Variants in CTDP1 observed in about 807,000 individuals in gnomAD.
CTDP1 encodes the protein CTD phosphatase 1, also known as RNA polymerase II subunit A C-terminal domain phosphatase.
In CTDP1, 47 loss-of-function variants were observed where a neutral mutation model predicts 91.8. The observed-to-expected ratio is 0.51, with a 90% confidence interval of 0.41 to 0.65. The LOEUF is 0.65. CTDP1 is among the 30% of genes least tolerant of loss of function. The pLI is 0.00. For missense variants in CTDP1, 1,272 were observed against 1,373.7 expected (o/e 0.93, Z 1.17); for synonymous variants, 656 against 598.5 (o/e 1.10, Z -1.40).
chr18:79,705,039 G>T, intron 5 of CTDP1, 122 bp downstream of exon 5: 2 of 1,479,678 alleles, frequency 1.4e-6, no homozygotes, highest in South Asian at 1.2e-5. Flanking sequence ...GTAGTCTTAG[G>T]GTTGGCCGTT....
In CTDP1 at chr18:79,692,414, C is replaced by CT. The variant is rs554834616; in HGVS notation, c.315-2810dup. ...TCTGAAGTCAGGTAGTAAAAGTTCT[C>CT]TGTTATTTTTGAAAATTGAGATTCT... On this transcript the variant is annotated intron_variant, in intron 1 of 12. Coordinates refer to ENST00000613122, the MANE Select transcript of CTDP1 (RefSeq NM_004715.5). Among the ~76,000 whole-genome samples, 686 of 152,288 alleles carry CT rather than the reference C, an allele frequency of 4.5e-3. 3 individuals are homozygous for CT. The highest frequency in any genetic ancestry group is 4.1e-3 in the South Asian group (20 of 4,830).
chr18:79,696,075 G>T lies in CTDP1; in HGVS notation c.492+5G>T. On this transcript the variant is annotated splice_donor_5th_base_variant and intron_variant, in intron 3 of 12. Transcript: ENST00000613122. ...GAGTTGATGGTGAGCTCCGAGGTGA[G>T]CCGGGCATCAGTGGCGGCGTGTTGG... 1 of 1,610,252 alleles carries T rather than the reference G, an allele frequency of 6.2e-7. No homozygotes were observed.
chr18:79,745,423 C>G (rs375720670), intron 12 of CTDP1, among the ~76,000 whole-genome samples: 1 of 5,784 alleles, frequency 1.7e-4, no homozygotes, highest in Admixed American at 1.4e-3. Context: ...CGTGCGCGTT[C>G]TGTCCCCGCG....
At chr18:79,726,386 A>G (rs1046019501) in intron 10 of CTDP1, among the ~76,000 whole-genome samples, 8 of 152,168 alleles carry the variant, frequency 5.3e-5, no homozygotes, top group Non-Finnish European at 1.0e-4. Flanking sequence ...CATACTTGCA[A>G]TTGCCTCTTG....
At chr18:79,692,260 A>G (rs896279192) in intron 1 of CTDP1, among the ~76,000 whole-genome samples, 5 of 152,078 alleles carry the variant, frequency 3.3e-5, no homozygotes, top group African/African-American at 7.2e-5. Context: ...GTGAAGCCCC[A>G]CTGGCTGGAA....
chr18:79,693,971 A>G (rs2085680659), intron 1 of CTDP1, among the ~76,000 whole-genome samples: 1 of 151,994 alleles, frequency 6.6e-6, no homozygotes, highest in African/African-American at 2.4e-5. Flanking sequence ...GTGGGCATGG[A>G]GGATGTGGCT....
At chr18:79,722,561 CGTT>C (rs143257357) in intron 10 of CTDP1, among the ~76,000 whole-genome samples, 2,261 of 152,252 alleles carry the variant, frequency 0.015, 55 homozygotes, top group African/African-American at 0.052. Flanking sequence ...CGGGAAGCAG[CGTT>C]GTTGTGGCTG....
rs759650298 is a variant in CTDP1, at chr18:79,704,883, C to G, written c.738C>G (p.Thr246=). ...IAKLYELHVF[T]FGSRLYAHTI... ...AGCTGTACGAGCTGCACGTCTTCAC[C>G]TTCGGCAGCCGGCTGTACGCACACA... is the stretch of plus-strand genomic sequence containing the variant. Residue 246 remains threonine, a synonymous_variant, in exon 5 of 13, where the codon ACC becomes ACG. Coordinates refer to ENST00000613122, the MANE Select transcript of CTDP1 (RefSeq NM_004715.5). 1 of 1,613,668 alleles carries G rather than the reference C, an allele frequency of 6.2e-7. No homozygotes were observed. The highest frequency in any genetic ancestry group is 8.5e-7 in the Non-Finnish European group (1 of 1,180,056).
intron 11 of CTDP1, among the ~76,000 whole-genome samples, chr18:79,735,187 T>G (rs1315304971): frequency 2.0e-5 from 3 of 152,144 alleles, no homozygotes; most frequent in African/African-American, 7.2e-5. Context: ...TCGGGAGTTG[T>G]GCTCCGTCCT....
intron 1 of CTDP1, among the ~76,000 whole-genome samples, chr18:79,693,746 C>T (rs1159472971): frequency 2.0e-5 from 3 of 152,196 alleles, no homozygotes; most frequent in Non-Finnish European, 4.4e-5. Flanking sequence ...GTGATCCGCA[C>T]ACGCCCATCC....
At chr18:79,746,628 G>A (rs1318905289) in intron 12 of CTDP1, among the ~76,000 whole-genome samples, 2 of 152,196 alleles carry the variant, frequency 1.3e-5, no homozygotes, top group East Asian at 3.9e-4. Context: ...CATACTTAGG[G>A]GCTTAAGAAA....
intron 12 of CTDP1, among the ~76,000 whole-genome samples, chr18:79,744,355 G>C (rs2086837990): frequency 6.6e-6 from 1 of 152,196 alleles, no homozygotes; most frequent in Non-Finnish European, 1.5e-5. Context: ...CAGATACTTG[G>C]AGTTCACAAA....
chr18:79,694,675 G>A (rs569546436), intron 1 of CTDP1, among the ~76,000 whole-genome samples: 7 of 152,118 alleles, frequency 4.6e-5, no homozygotes, highest in Admixed American at 1.3e-4. Context: ...AGTGCCAGGC[G>A]GCCTCTGGTC....
intron 12 of CTDP1, among the ~76,000 whole-genome samples, chr18:79,747,293 A>G (rs1037526288): frequency 5.3e-5 from 8 of 152,174 alleles, no homozygotes; most frequent in Non-Finnish European, 1.2e-4. Flanking sequence ...TCCACCTGTA[A>G]CACACACAGG....
intron 10 of CTDP1, among the ~76,000 whole-genome samples, chr18:79,727,093 G>A (rs1482616908): frequency 6.6e-6 from 1 of 152,150 alleles, no homozygotes; most frequent in Non-Finnish European, 1.5e-5. Flanking sequence ...GGGTGTGTGG[G>A]GCCTCATTGC....
intron 6 of CTDP1, among the ~76,000 whole-genome samples, chr18:79,711,220 G>A (rs775386020): frequency 2.0e-5 from 3 of 152,182 alleles, no homozygotes; most frequent in East Asian, 1.9e-4. Flanking sequence ...GCCACCTGAC[G>A]TTGTGTATCT....
intron 10 of CTDP1, among the ~76,000 whole-genome samples, chr18:79,725,666 T>C (rs533815600): frequency 2.6e-5 from 4 of 152,206 alleles, no homozygotes; most frequent in African/African-American, 9.6e-5. Context: ...CCCGGATTCC[T>C]GCTTCCGTCC....
chr18:79,720,741 G>C (rs527585838), intron 10 of CTDP1, among the ~76,000 whole-genome samples: 1 of 152,254 alleles, frequency 6.6e-6, no homozygotes, highest in African/African-American at 2.4e-5. Context: ...TTCGAGGCCA[G>C]CAGGTGCCTA....
In CTDP1 at chr18:79,715,582, A is replaced by G. The variant is rs1307789295; in HGVS notation, c.2068+54A>G. 7.3e-6 allele frequency: 11 copies of G among 1,499,884 alleles called. No individual in the cohort carries two copies. In the East Asian group the frequency reaches 2.7e-4, roughly 37 times the overall value. 92.9% of individuals were successfully genotyped at this position (1,499,884 alleles called of 1,614,324 possible). ...ATGGTCAGGCCCGCGGGCTCCTTGCAGGCACTCCTTAGAGTTGGCATTGCT... is the reference window on the plus strand; with the variant it reads ...ATGGTCAGGCCCGCGGGCTCCTTGCGGGCACTCCTTAGAGTTGGCATTGCT... On this transcript the variant is annotated intron_variant, in intron 8 of 12. Transcript: ENST00000613122.
Sources: allele counts gnomAD v4.1 joint callset (sites outside exome capture counted in the v4.1 genomes callset), GRCh38; gene constraint gnomAD v4.1.1; transcripts MANE v1.5; gene names NCBI Gene and HGNC (gene_info 2026-07-23, HGNC 2026-07-21).